The following C6 variants were observed in gnomAD, a reference collection of about 807,000 sequenced individuals.
C6 encodes complement C6.
Under a neutral mutation model 112.9 loss-of-function variants are expected in C6, and 101 were observed. The ratio of observed to expected loss-of-function variants is 0.89; its 90% CI spans 0.76 to 1.06. The LOEUF is 1.06. C6 is among the 50% of genes least tolerant of loss of function. The pLI, the probability that C6 is intolerant of heterozygous loss-of-function variation, is 0.00. For missense variants in C6, 1,202 were observed against 1,104.6 expected, an observed-to-expected ratio of 1.09 and a Z score of -1.25; for synonymous variants, 431 against 384.1, an observed-to-expected ratio of 1.12 and a Z score of -1.43.
intron 5 of C6, 90 bp downstream of exon 5, chr5:41,195,702 G>A: frequency 7.5e-7 from 1 of 1,339,696 alleles, no homozygotes; most frequent in South Asian, 1.2e-5. Flanking sequence ...AGTTAATGAG[G>A]AAGATGGACA....
chr5:41,220,085 C>T (rs771397673), intron 1 of C6, among the ~76,000 whole-genome samples: 1 of 152,148 alleles, frequency 6.6e-6, no homozygotes, highest in Non-Finnish European at 1.5e-5. Flanking sequence ...AAGAAATAGT[C>T]TCACAGTAAC....
chr5:41,170,873 G>T lies in C6; in HGVS notation c.1291+1352C>A, dbSNP rs542441101. On this transcript the variant is annotated intron_variant, in intron 9 of 17. Coordinates refer to ENST00000337836, the MANE Select transcript of C6 (RefSeq NM_000065.5). ...GGAAGGAGTTATTTATAATGGCAAG[G>T]CATAGGAGAGAGCATGACTTGTTTA... Among the ~76,000 whole-genome samples the T allele has an allele frequency of 1.5e-3, 233 of 152,242 alleles. 2 individuals carry two copies. Among genetic ancestry groups the T allele is most frequent in the African/African-American group, 5.3e-3 (222 of 41,550 alleles).
intron 17 of C6, among the ~76,000 whole-genome samples, chr5:41,148,923 C>T (rs888431807): frequency 9.9e-5 from 15 of 152,086 alleles, no homozygotes; most frequent in Non-Finnish European, 7.4e-5. Flanking sequence ...TGGTGAAGGC[C>T]CTCCAAAGCT....
At chr5:41,258,189 G>T (rs2910649) in intron 1 of C6, among the ~76,000 whole-genome samples, 54,533 of 151,878 alleles carry the variant, frequency 0.36, 11,281 homozygotes, top group Non-Finnish European at 0.47. Flanking sequence ...TGTATTATGA[G>T]GAAAGGAAAC....
At chr5:41,190,165 T>C (rs181071023) in intron 5 of C6, among the ~76,000 whole-genome samples, 33 of 152,290 alleles carry the variant, frequency 2.2e-4, no homozygotes, top group African/African-American at 7.9e-4. Flanking sequence ...GTGCTGTTTG[T>C]AGTTTTTTTG....
intron 3 of C6, 50 bp from the exon 4 acceptor site, chr5:41,199,962 A>G: frequency 1.3e-6 from 2 of 1,587,804 alleles, no homozygotes; most frequent in Non-Finnish European, 1.7e-6. Flanking sequence ...GTCAAGGTCA[A>G]AATGTACCTA....
intron 1 of C6, among the ~76,000 whole-genome samples, chr5:41,206,084 G>A (rs547813036): frequency 7.2e-5 from 11 of 152,160 alleles, no homozygotes; most frequent in Non-Finnish European, 1.6e-4. Context: ...TACAGCCTCC[G>A]CTGGTAATAC....
Position 41,195,834 on chromosome 5 carries a change from C to A in C6, c.545G>T (p.Arg182Leu), listed in dbSNP as rs201513771. 6.2e-7 allele frequency: 1 copy of A among 1,613,934 alleles called. No individual in the cohort carries two copies. The highest frequency in any genetic ancestry group is 8.5e-7 in the Non-Finnish European group (1 of 1,179,890). Residue 182 changes from arginine (R) to leucine (L), a missense_variant, in exon 5 of 18, where the codon CGG (arginine) becomes CTG (leucine). Transcript: ENST00000337836. Reference sequence around the variant, plus strand: ...TACACTAGGGATGGGATTATACTTCCGTGTGCATACTGCCTTTGTCCTCCC... The same window carrying A: ...TACACTAGGGATGGGATTATACTTCAGTGTGCATACTGCCTTTGTCCTCCC... ...DCGRTKAVCT[R>L]KYNPIPSVQL...
chr5:41,230,515 TG>T (rs1392528658), intron 1 of C6, among the ~76,000 whole-genome samples: 1 of 152,140 alleles, frequency 6.6e-6, no homozygotes, highest in African/African-American at 2.4e-5. Context: ...AATTCCAGCC[TG>T]GTAAATTCTA....
rs1747206079 is a variant in C6 at position 41,159,024 on chromosome 5, T to C, written c.1856+58A>G. On this transcript the variant is annotated intron_variant, in intron 12 of 17. Transcript: ENST00000337836. Reference sequence around the variant, plus strand: ...AGTAGACTAATAACCATTTGAACTCTCAATGTTATTGAGAGTTAGGGCAAA... The same window carrying C: ...AGTAGACTAATAACCATTTGAACTCCCAATGTTATTGAGAGTTAGGGCAAA... The C allele has an allele frequency of 3.2e-6, 5 of 1,566,690 alleles. No homozygotes were observed. In the Admixed American group the frequency reaches 8.3e-5, roughly 26 times the overall value.
intron 1 of C6, among the ~76,000 whole-genome samples, chr5:41,257,401 T>A (rs772900711): frequency 1.3e-5 from 2 of 152,174 alleles, no homozygotes; most frequent in African/African-American, 2.4e-5. Flanking sequence ...TATACCACAT[T>A]TTCTTTATCC....
chr5:41,203,975 C>G (rs1237855712), intron 1 of C6, among the ~76,000 whole-genome samples: 1 of 152,276 alleles, frequency 6.6e-6, no homozygotes, highest in East Asian at 1.9e-4. Context: ...CTCCACCACT[C>G]AGGCCACAAC....
In C6 at chr5:41,203,069, C is replaced by T. The variant is rs1421669555; in HGVS notation, c.143+19G>A. The T allele has an allele frequency of 6.2e-7, 1 of 1,613,306 alleles. No individual in the cohort carries two copies. Among genetic ancestry groups the T allele is most frequent in the East Asian group, 2.2e-5 (1 of 44,868 alleles). ...AGTCCTTCCAGGACACAAAGAAAAG[C>T]CACAAAGCTCACACCCACCTGTGTC... is the stretch of plus-strand genomic sequence containing the variant. On this transcript the variant is annotated intron_variant, in intron 2 of 17. Transcript: ENST00000337836.
At chr5:41,196,037 G>C in intron 4 of C6, 104 bp from the exon 5 acceptor site, 1 of 1,333,054 alleles carries the variant, frequency 7.5e-7, no homozygotes, top group Non-Finnish European at 1.1e-6. Flanking sequence ...AAAGTTGAAG[G>C]CAAGTCTTCA....
chr5:41,148,366 C>A (rs1746047528), intron 17 of C6, among the ~76,000 whole-genome samples: 1 of 152,116 alleles, frequency 6.6e-6, no homozygotes. Flanking sequence ...GTAGAGTATG[C>A]TCCGATTTTA....
chr5:41,186,028 C>T (rs769510768), intron 6 of C6, 42 bp downstream of exon 6: 2 of 1,612,874 alleles, frequency 1.2e-6, no homozygotes, highest in East Asian at 4.5e-5. Context: ...AGCTTATAAT[C>T]ACTGACGGTG....
intron 1 of C6, among the ~76,000 whole-genome samples, chr5:41,204,462 G>C (rs1751268227): frequency 6.6e-6 from 1 of 152,068 alleles, no homozygotes; most frequent in Non-Finnish European, 1.5e-5. Context: ...TCATGTCCCA[G>C]AGGATGAGTT....
At chr5:41,223,074 G>A (rs1739278196) in intron 1 of C6, among the ~76,000 whole-genome samples, 1 of 152,016 alleles carries the variant, frequency 6.6e-6, no homozygotes, top group Non-Finnish European at 1.5e-5. Flanking sequence ...TTATTGTGAG[G>A]GATAAATTTG....
At chr5:41,211,342 C>T (rs1561177655) in intron 1 of C6, among the ~76,000 whole-genome samples, 1 of 149,736 alleles carries the variant, frequency 6.7e-6, no homozygotes, top group Non-Finnish European at 1.5e-5. Context: ...ACATATGTAA[C>T]AAACCTTCAC....
Sources: allele counts gnomAD v4.1 joint callset (sites outside exome capture counted in the v4.1 genomes callset), GRCh38; gene constraint gnomAD v4.1.1; transcripts MANE v1.5; gene names NCBI Gene and HGNC (gene_info 2026-07-23, HGNC 2026-07-21).